Variants in ASTN1 observed in about 807,000 individuals in gnomAD.
The protein encoded by ASTN1 is astrotactin 1.
A neutral mutation model predicts 140.7 loss-of-function variants in ASTN1; 41 were observed. The ratio of observed to expected loss-of-function variants is 0.29; its 90% CI spans 0.23 to 0.38. The LOEUF (loss-of-function observed/expected upper bound fraction) is 0.38. Ranked by LOEUF, ASTN1 falls within the 10% of genes least tolerant of loss-of-function variation. ASTN1 has a pLI of 1.00. For missense variants in ASTN1, 1,479 were observed against 1,678.8 expected, an observed-to-expected ratio of 0.88 and a Z score of 2.08; for synonymous variants, 640 against 652.2, an observed-to-expected ratio of 0.98 and a Z score of 0.29.
chr1:177,130,825 G>T (rs1479450077), intron 1 of ASTN1, among the ~76,000 whole-genome samples: 1 of 152,224 alleles, frequency 6.6e-6, no homozygotes, highest in Non-Finnish European at 1.5e-5. Flanking sequence ...GGCAGACAAG[G>T]TTACCATTAG....
At chr1:177,149,356 G>T (rs1354374938) in intron 1 of ASTN1, among the ~76,000 whole-genome samples, 1 of 67,344 alleles carries the variant, frequency 1.5e-5, no homozygotes, top group African/African-American at 8.2e-5. Context: ...TATATATATA[G>T]TAAATATATA....
rs1668013903 is a variant in ASTN1, at chr1:176,862,930, AAGG to A, written c.*1351_*1353del. On this transcript the variant is annotated 3_prime_UTR_variant, in exon 23 of 23. Coordinates refer to ENST00000361833, the MANE Select transcript of ASTN1 (RefSeq NM_004319.3). ...GTTTCCAGATGAGGAGCCCTGGTCA[AAGG>A]CATGGTGGCTGAAGGTGTGTGTTCA... 1.0e-6 allele frequency: 1 copy of A among 985,370 alleles called. No individual in the cohort carries two copies. Among genetic ancestry groups the A allele is most frequent in the Non-Finnish European group, 1.2e-6 (1 of 829,970 alleles). 61.0% of individuals were successfully genotyped at this position (985,370 alleles called of 1,614,324 possible).
intron 16 of ASTN1, among the ~76,000 whole-genome samples, chr1:176,906,010 G>A (rs1348598574): frequency 1.3e-5 from 2 of 152,230 alleles, no homozygotes; most frequent in Non-Finnish European, 2.9e-5. Flanking sequence ...CTAGGCCGAG[G>A]GATGGATCTC....
intron 21 of ASTN1, among the ~76,000 whole-genome samples, chr1:176,875,809 C>A (rs1668536437): frequency 6.6e-6 from 1 of 152,166 alleles, no homozygotes; most frequent in South Asian, 2.1e-4. Context: ...GATAAGATTA[C>A]TTAAATTAGT....
chr1:176,932,011 T>C (rs760215554), intron 16 of ASTN1, among the ~76,000 whole-genome samples: 1 of 152,240 alleles, frequency 6.6e-6, no homozygotes, highest in Admixed American at 6.5e-5. Context: ...GAGGTCCAGA[T>C]AAGTGATTGA....
chr1:176,985,197 A>G lies in ASTN1; in HGVS notation c.1524-19960T>C, dbSNP rs16850549. Among the ~76,000 whole-genome samples, 1,119 of 152,298 alleles carry G rather than the reference A, an allele frequency of 7.3e-3. 20 individuals carry two copies. Among genetic ancestry groups the G allele is most frequent in the African/African-American group, 0.025 (1,058 of 41,564 alleles). ...ATCTGCCAGGGGTAAAACAAAGCGT[A>G]GATAACATGAAAAGTCTTTTCCTAT... On this transcript the variant is annotated intron_variant, in intron 8 of 22. Coordinates refer to ENST00000361833, the MANE Select transcript of ASTN1 (RefSeq NM_004319.3).
At chr1:177,076,546 GA>G (rs1678922933) in intron 1 of ASTN1, among the ~76,000 whole-genome samples, 1 of 150,288 alleles carries the variant, frequency 6.7e-6, no homozygotes, top group Non-Finnish European at 1.5e-5. Flanking sequence ...TTATGAGATG[GA>G]GTCTCACTTC....
At chr1:177,040,095 T>C (rs1676902348) in intron 2 of ASTN1, among the ~76,000 whole-genome samples, 1 of 152,262 alleles carries the variant, frequency 6.6e-6, no homozygotes, top group African/African-American at 2.4e-5. Context: ...TGGCAGGTTC[T>C]CTTTTCTGTG....
At chr1:177,008,539 G>GAGAGAGGGAGAGGAAGAGCA (rs1675116847) in intron 8 of ASTN1, among the ~76,000 whole-genome samples, 3 of 84,676 alleles carry the variant, frequency 3.5e-5, no homozygotes, top group African/African-American at 1.4e-4. Context: ...GAGAGGAAGA[G>GAGAGAGGGAGAGGAAGAGCA]AGAGAGGGAG....
rs1225218560 is a variant in ASTN1, at chr1:177,149,495, GTA to G, written c.283+14897_283+14898del. ...AGTATATATATAGTAAATATATATA[GTA>G]TATATATAGTAAATATATATAGTAT... On this transcript the variant is annotated intron_variant, in intron 1 of 22. Coordinates refer to ENST00000361833, the MANE Select transcript of ASTN1 (RefSeq NM_004319.3). 8.3e-3 allele frequency among the ~76,000 whole-genome samples: 525 copies of G among 63,366 alleles called. 12 individuals carry two copies. Among genetic ancestry groups the G allele is most frequent in the Non-Finnish European group, 0.01 (420 of 40,930 alleles). The allele number at this position is 63,366 out of a possible 152,430, so 41.6% of individuals were successfully genotyped here. A position where few individuals can be genotyped will look rare whatever the true frequency, so the allele number is the denominator to read the frequency against.
chr1:176,944,291 ACT>A (rs1671861848), intron 13 of ASTN1, among the ~76,000 whole-genome samples: 1 of 151,600 alleles, frequency 6.6e-6, no homozygotes, highest in African/African-American at 2.4e-5. Context: ...ACATTGTCTC[ACT>A]CTGTCACCCA....
Position 177,044,174 on chromosome 1 carries a change from A to ATAC in ASTN1, c.472-11326_472-11325insGTA, listed in dbSNP as rs1553248856. 3.7e-3 allele frequency among the ~76,000 whole-genome samples: 348 copies of ATAC among 94,956 alleles called. 1 individual carries two copies. The highest frequency in any genetic ancestry group is 6.6e-3 in the Non-Finnish European group (263 of 39,868). 62.3% of individuals were successfully genotyped at this position (94,956 alleles called of 152,430 possible). On this transcript the variant is annotated intron_variant, in intron 2 of 22. Coordinates refer to ENST00000361833, the MANE Select transcript of ASTN1 (RefSeq NM_004319.3). ...ATTAATTTTAAGAAATGAAAAAAAA[A>ATAC]ATACACACACACACACACACACACA...
At chr1:177,154,335 C>T (rs1443851555) in intron 1 of ASTN1, among the ~76,000 whole-genome samples, 1 of 152,136 alleles carries the variant, frequency 6.6e-6, no homozygotes, top group Non-Finnish European at 1.5e-5. Flanking sequence ...ATATGGTAGT[C>T]ACTAGCCACA....
intron 1 of ASTN1, among the ~76,000 whole-genome samples, chr1:177,076,875 T>C (rs1678939329): frequency 6.6e-6 from 1 of 152,142 alleles, no homozygotes; most frequent in South Asian, 2.1e-4. Flanking sequence ...GAAGGGACTT[T>C]GAGAAGTAGC....
chr1:177,042,810 G>A (rs1558053349), intron 2 of ASTN1, among the ~76,000 whole-genome samples: 1 of 152,180 alleles, frequency 6.6e-6, no homozygotes, highest in South Asian at 2.1e-4. Context: ...CACCACTGTG[G>A]TCTGGGCTCT....
intron 20 of ASTN1, among the ~76,000 whole-genome samples, chr1:176,879,526 G>T (rs920500707): frequency 6.6e-6 from 1 of 151,960 alleles, no homozygotes; most frequent in Non-Finnish European, 1.5e-5. Flanking sequence ...ATCCTACTTC[G>T]TTGTCAGATG....
intron 8 of ASTN1, among the ~76,000 whole-genome samples, chr1:177,010,223 T>C (rs1376185984): frequency 1.3e-5 from 2 of 152,190 alleles, no homozygotes; most frequent in African/African-American, 4.8e-5. Flanking sequence ...AGCAAACAAA[T>C]ATCAAACACA....
intron 1 of ASTN1, among the ~76,000 whole-genome samples, chr1:177,161,766 C>T (rs1235282061): frequency 2.6e-5 from 4 of 151,300 alleles, no homozygotes; most frequent in African/African-American, 9.7e-5. Context: ...TTTTTTTTTT[C>T]ACTCAAAGGA....
chr1:177,009,329 T>C (rs6661023), intron 8 of ASTN1, among the ~76,000 whole-genome samples: 84,358 of 152,006 alleles, frequency 0.55, 23,890 homozygotes, highest in Non-Finnish European at 0.58. Context: ...GGTCTTTGTC[T>C]TTTTAGTGGT....
Sources: gnomAD v4.1 joint callset for allele counts (sites outside exome capture counted in the v4.1 genomes callset) on GRCh38, gnomAD v4.1.1 for gene constraint, MANE v1.5 for transcripts, NCBI Gene and HGNC (gene_info 2026-07-23, HGNC 2026-07-21) for gene names.